Variants in MLLT3 observed in about 807,000 individuals in gnomAD.
MLLT3 encodes the protein protein AF-9.
Under a neutral mutation model 53.2 loss-of-function variants are expected in MLLT3, and 4 were observed. The ratio of observed to expected loss-of-function variants is 0.08; its 90% CI spans 0.04 to 0.17. The LOEUF (loss-of-function observed/expected upper bound fraction) is 0.17, where lower values mean the gene tolerates loss of function less well. Among genes scored for constraint, MLLT3 ranks in the 10% least tolerant of loss-of-function variants. MLLT3 has a pLI of 1.00. For missense variants in MLLT3, 569 were observed against 684.0 expected, an observed-to-expected ratio of 0.83 and a Z score of 1.87; for synonymous variants, 283 against 230.6, an observed-to-expected ratio of 1.23 and a Z score of -2.06.
At chr9:20,593,216 G>A (rs963779144) in intron 2 of MLLT3, among the ~76,000 whole-genome samples, 5 of 152,062 alleles carry the variant, frequency 3.3e-5, no homozygotes, top group East Asian at 1.9e-4. Flanking sequence ...ACTCAAATCC[G>A]TTTCTTCCCT....
intron 2 of MLLT3, among the ~76,000 whole-genome samples, chr9:20,574,183 C>T (rs780173385): frequency 8.5e-5 from 13 of 152,194 alleles, no homozygotes; most frequent in South Asian, 2.1e-4. Context: ...TGATAATGCC[C>T]GGACTAACTG....
At chr9:20,416,564 A>C (rs1822877617) in intron 4 of MLLT3, among the ~76,000 whole-genome samples, 1 of 152,086 alleles carries the variant, frequency 6.6e-6, no homozygotes, top group East Asian at 1.9e-4. Flanking sequence ...AAAAAAGTTA[A>C]GTTCCTTTTT....
chr9:20,544,299 T>G (rs1457903503), intron 2 of MLLT3, among the ~76,000 whole-genome samples: 48 of 152,066 alleles, frequency 3.2e-4, no homozygotes, highest in Non-Finnish European at 2.9e-5. Flanking sequence ...GAAGCAAAAG[T>G]AGACTAATGG....
intron 2 of MLLT3, among the ~76,000 whole-genome samples, chr9:20,601,083 G>C (rs1820409803): frequency 6.6e-6 from 1 of 152,174 alleles, no homozygotes. Context: ...CTAGGGGCTG[G>C]GGTTTGGAGG....
intron 2 of MLLT3, among the ~76,000 whole-genome samples, chr9:20,469,715 T>C (rs1226869365): frequency 1.5e-5 from 2 of 136,882 alleles, no homozygotes; most frequent in East Asian, 4.7e-4. Context: ...ACTAATTCGG[T>C]GCAATCAGGA....
intron 2 of MLLT3, among the ~76,000 whole-genome samples, chr9:20,496,792 C>T (rs187448127): frequency 3.9e-5 from 6 of 152,298 alleles, no homozygotes; most frequent in Admixed American, 2.6e-4. Flanking sequence ...CTTATCTTTG[C>T]TCTTCTCAAA....
intron 4 of MLLT3, among the ~76,000 whole-genome samples, chr9:20,425,361 G>C (rs1823116831): frequency 6.6e-6 from 1 of 152,126 alleles, no homozygotes; most frequent in African/African-American, 2.4e-5. Context: ...CTTCCAGAAA[G>C]TCGGAAGGAG....
chr9:20,366,190 C>T (rs1323470905), intron 5 of MLLT3, among the ~76,000 whole-genome samples: 1 of 152,144 alleles, frequency 6.6e-6, no homozygotes, highest in Non-Finnish European at 1.5e-5. Flanking sequence ...CTAGTGCTAT[C>T]CCTCCCCTAG....
intron 5 of MLLT3, among the ~76,000 whole-genome samples, chr9:20,384,109 T>C (rs1363340322): frequency 1.3e-5 from 2 of 152,084 alleles, no homozygotes; most frequent in East Asian, 3.8e-4. Context: ...CATGATACTG[T>C]TCTTAACAGT....
intron 2 of MLLT3, among the ~76,000 whole-genome samples, chr9:20,561,107 T>C (rs1819198251): frequency 6.6e-6 from 1 of 152,146 alleles, no homozygotes; most frequent in Non-Finnish European, 1.5e-5. Flanking sequence ...CTCCTGTACT[T>C]TTCTCCAGGT....
intron 3 of MLLT3, among the ~76,000 whole-genome samples, chr9:20,450,162 T>C (rs150610127): frequency 8.9e-4 from 136 of 152,342 alleles, no homozygotes; most frequent in African/African-American, 2.9e-3. Context: ...CATTCCCAAC[T>C]GTTACTTCTT....
chr9:20,405,411 A>C (rs185712378), intron 5 of MLLT3, among the ~76,000 whole-genome samples: 77 of 152,342 alleles, frequency 5.1e-4, no homozygotes, highest in Non-Finnish European at 1.0e-3. Context: ...TTATTTTCTC[A>C]AAAGTGTTTA....
At chr9:20,560,168 G>T (rs1029215803) in intron 2 of MLLT3, among the ~76,000 whole-genome samples, 6 of 152,044 alleles carry the variant, frequency 3.9e-5, no homozygotes, top group African/African-American at 1.4e-4. Flanking sequence ...GGAATTATAA[G>T]CCTGGGAAAT....
intron 4 of MLLT3, among the ~76,000 whole-genome samples, chr9:20,434,440 C>T (rs775043956): frequency 6.6e-6 from 1 of 152,080 alleles, no homozygotes; most frequent in Non-Finnish European, 1.5e-5. Context: ...TTTGGGGAAG[C>T]CCCACATCTC....
intron 2 of MLLT3, among the ~76,000 whole-genome samples, chr9:20,584,826 T>A (rs978015330): frequency 1.3e-5 from 2 of 152,236 alleles, no homozygotes; most frequent in Non-Finnish European, 2.9e-5. Flanking sequence ...TTCTTCCATG[T>A]CTTTTCGTAG....
chr9:20,473,461 T>C (rs764506986), intron 2 of MLLT3, among the ~76,000 whole-genome samples: 4 of 152,082 alleles, frequency 2.6e-5, no homozygotes, highest in Non-Finnish European at 5.9e-5. Context: ...AAGAGTAAAA[T>C]TATGATCCTT....
chr9:20,519,479 A>AT (rs1818002216), intron 2 of MLLT3, among the ~76,000 whole-genome samples: 1 of 152,226 alleles, frequency 6.6e-6, no homozygotes, highest in Non-Finnish European at 1.5e-5. Context: ...TAAGAGCCAT[A>AT]TATAGGCTTT....
intron 4 of MLLT3, among the ~76,000 whole-genome samples, chr9:20,442,377 G>A (rs966944605): frequency 4.6e-5 from 7 of 152,008 alleles, no homozygotes; most frequent in East Asian, 1.9e-4. Context: ...TTTATCCTAC[G>A]GACATATCCA....
chr9:20,593,927 T>G (rs958017242), intron 2 of MLLT3, among the ~76,000 whole-genome samples: 4 of 150,680 alleles, frequency 2.7e-5, no homozygotes, highest in Admixed American at 6.7e-5. Flanking sequence ...AGGATAAGCT[T>G]ACTCAATGTT....
Sources: gnomAD v4.1 joint callset for allele counts (sites outside exome capture counted in the v4.1 genomes callset) on GRCh38, gnomAD v4.1.1 for gene constraint, MANE v1.5 for transcripts, NCBI Gene and HGNC (gene_info 2026-07-23, HGNC 2026-07-21) for gene names.